The following ASIC2 variants were observed in gnomAD, a reference collection of about 807,000 sequenced individuals.
ASIC2 encodes the protein acid-sensing ion channel 2.
Under a neutral mutation model 57.3 loss-of-function variants are expected in ASIC2, and 25 were observed. That is an observed-to-expected ratio of 0.44 (90% CI 0.32 to 0.61). The LOEUF (loss-of-function observed/expected upper bound fraction) is 0.61, where lower values mean the gene tolerates loss of function less well. ASIC2 is among the 20% of genes least tolerant of loss of function. The pLI, the probability that ASIC2 is intolerant of heterozygous loss-of-function variation, is 0.06. For missense variants in ASIC2, 641 were observed against 738.1 expected (o/e 0.87, Z 1.52); for synonymous variants, 319 against 307.5 (o/e 1.04, Z -0.39).
intron 1 of ASIC2, among the ~76,000 whole-genome samples, chr17:33,395,405 G>A (rs1248811971): frequency 1.3e-5 from 2 of 152,172 alleles, no homozygotes; most frequent in Non-Finnish European, 2.9e-5. Flanking sequence ...ATGGCAGCAG[G>A]CAGAAAGATC....
intron 3 of ASIC2, among the ~76,000 whole-genome samples, chr17:33,071,862 G>A (rs1264323785): frequency 1.3e-5 from 2 of 152,140 alleles, no homozygotes; most frequent in African/African-American, 4.8e-5. Context: ...GAATTATGAG[G>A]GTTTCCAGTT....
intron 1 of ASIC2, among the ~76,000 whole-genome samples, chr17:33,659,871 CAAATAAATAAATAAAT>C (rs145561483): frequency 0.041 from 5,401 of 133,262 alleles, 313 homozygotes; most frequent in African/African-American, 0.13. Flanking sequence ...GACTCTGTCT[CAAATAAATAAATAAAT>C]AAATAAATAA....
chr17:33,083,057 A>G (rs1381342689), intron 3 of ASIC2, among the ~76,000 whole-genome samples: 1 of 152,180 alleles, frequency 6.6e-6, no homozygotes, highest in African/African-American at 2.4e-5. Context: ...AACCTCAGGG[A>G]GACGGGCTTT....
At chr17:33,923,623 T>C (rs977298495) in intron 1 of ASIC2, among the ~76,000 whole-genome samples, 6 of 152,094 alleles carry the variant, frequency 3.9e-5, no homozygotes, top group African/African-American at 1.4e-4. Context: ...ACACTTTCCA[T>C]GTTTATAGAA....
chr17:34,021,129 T>C (rs774624336), intron 1 of ASIC2, among the ~76,000 whole-genome samples: 1 of 151,998 alleles, frequency 6.6e-6, no homozygotes, highest in Non-Finnish European at 1.5e-5. Context: ...AGACTACACA[T>C]TGGGTACTGT....
At chr17:33,887,742 G>C (rs1914862632) in intron 1 of ASIC2, among the ~76,000 whole-genome samples, 1 of 152,198 alleles carries the variant, frequency 6.6e-6, no homozygotes, top group African/African-American at 2.4e-5. Context: ...TGTAGGCTCA[G>C]ACCCTACCTT....
chr17:33,418,028 ATGTG>A lies in ASIC2; in HGVS notation c.556-305965_556-305962del, dbSNP rs1161141315. On this transcript the variant is annotated intron_variant, in intron 1 of 9. Coordinates refer to the ASIC2 transcript ENST00000359872. The stretch of plus-strand genomic sequence containing the variant: ...CCACTCTGGCTCTCAGCATGTATGT[ATGTG>A]TGTGTGTGTGTGTGTGTGTGTGTGT... Among the ~76,000 whole-genome samples, 652 of 67,814 alleles carry A rather than the reference ATGTG, an allele frequency of 9.6e-3. 6 individuals carry two copies. Among genetic ancestry groups the A allele is most frequent in the South Asian group, 0.019 (38 of 1,950 alleles). The allele number at this position is 67,814 out of a possible 152,430, so 44.5% of individuals were successfully genotyped here. A position where few individuals can be genotyped will look rare whatever the true frequency, so the allele number is the denominator to read the frequency against.
chr17:33,338,375 G>A (rs911429218), intron 1 of ASIC2, among the ~76,000 whole-genome samples: 1 of 152,184 alleles, frequency 6.6e-6, no homozygotes, highest in Non-Finnish European at 1.5e-5. Flanking sequence ...TGGAAGAAGT[G>A]TATGGCAGAG....
intron 1 of ASIC2, among the ~76,000 whole-genome samples, chr17:33,530,461 A>C (rs1442001027): frequency 6.6e-6 from 1 of 152,282 alleles, no homozygotes; most frequent in Non-Finnish European, 1.5e-5. Context: ...GATGGCAGCA[A>C]GGCCTTCCTA....
intron 1 of ASIC2, among the ~76,000 whole-genome samples, chr17:34,085,596 T>C (rs998417875): frequency 1.3e-5 from 2 of 152,194 alleles, no homozygotes; most frequent in African/African-American, 2.4e-5. Context: ...TTGATTGGAA[T>C]AGTTTCAGAA....
chr17:34,130,128 G>A (rs1340031408), intron 1 of ASIC2, among the ~76,000 whole-genome samples: 3 of 152,196 alleles, frequency 2.0e-5, no homozygotes, highest in Admixed American at 1.3e-4. Flanking sequence ...TGCACATCAT[G>A]AAAGGACTAA....
intron 1 of ASIC2, among the ~76,000 whole-genome samples, chr17:34,114,652 T>C (rs1274675261): frequency 6.6e-6 from 1 of 152,200 alleles, no homozygotes; most frequent in African/African-American, 2.4e-5. Flanking sequence ...TCATTCTTTT[T>C]CCCAGAATAA....
At chr17:33,435,327 G>A (rs1911569568) in intron 1 of ASIC2, among the ~76,000 whole-genome samples, 1 of 152,006 alleles carries the variant, frequency 6.6e-6, no homozygotes, top group Non-Finnish European at 1.5e-5. Flanking sequence ...AATAAGTCTG[G>A]GATATCTTGT....
intron 1 of ASIC2, among the ~76,000 whole-genome samples, chr17:33,861,347 T>C (rs1234735685): frequency 4.6e-5 from 7 of 152,212 alleles, no homozygotes; most frequent in Admixed American, 2.0e-4. Flanking sequence ...TATGGAATAA[T>C]GCTTTTTTTC....
intron 1 of ASIC2, among the ~76,000 whole-genome samples, chr17:33,262,887 G>A (rs1909335612): frequency 6.6e-6 from 1 of 152,094 alleles, no homozygotes; most frequent in Non-Finnish European, 1.5e-5. Flanking sequence ...GATGAGGAAT[G>A]TTGAAGTGAG....
Position 33,098,957 on chromosome 17 carries a change from A to T in ASIC2, c.860-9967T>A, listed in dbSNP as rs933500184. ...TATATATACACAAAATATATATATAAACAAAAATATATAAACAAAAAATAT... is the reference window on the plus strand; with the variant it reads ...TATATATACACAAAATATATATATATACAAAAATATATAAACAAAAAATAT... On this transcript the variant is annotated intron_variant, in intron 2 of 9. Transcript: ENST00000225823. 3.3e-5 allele frequency among the ~76,000 whole-genome samples: 5 copies of T among 149,530 alleles called. No homozygotes were observed. In the Admixed American group the frequency reaches 3.4e-4, roughly 10 times the overall value.
At chr17:33,438,808 C>T (rs1249542752) in intron 1 of ASIC2, among the ~76,000 whole-genome samples, 3 of 150,070 alleles carry the variant, frequency 2.0e-5, no homozygotes, top group Admixed American at 1.3e-4. Context: ...ACTTCAGCCT[C>T]TGGGGTTCTG....
chr17:33,975,745 G>C (rs4629016), intron 1 of ASIC2, among the ~76,000 whole-genome samples: 18,307 of 151,782 alleles, frequency 0.12, 1,489 homozygotes, highest in East Asian at 0.35. Flanking sequence ...CCACATCATT[G>C]CCCTGTCAAT....
Position 33,025,938 on chromosome 17 carries a change from C to G in ASIC2, c.1183G>C (p.Glu395Gln), listed in dbSNP as rs1476741589. 6.2e-7 allele frequency: 1 copy of G among 1,613,544 alleles called. No homozygotes were observed. Among genetic ancestry groups the G allele is most frequent in the African/African-American group, 1.3e-5 (1 of 74,910 alleles). ...CCTGAGTACTGACCTAGGGCAGGCT[C>G]TGCACACTCCTTGTGCTGCTCAGGG... is the stretch of plus-strand genomic sequence containing the variant. ...CTPEQHKECA[E>Q]PALGLLAEKD... The change falls in exon 5 of 10, where the codon GAG becomes CAG. Residue 395 changes from glutamate to glutamine, a missense_variant. Coordinates refer to ENST00000225823, the MANE Select transcript of ASIC2 (RefSeq NM_183377.2).
Sources: gnomAD v4.1 joint callset for allele counts (sites outside exome capture counted in the v4.1 genomes callset) on GRCh38, gnomAD v4.1.1 for gene constraint, MANE v1.5 for transcripts, NCBI Gene and HGNC (gene_info 2026-07-23, HGNC 2026-07-21) for gene names.